The following LIMD1 variants were observed in gnomAD, a reference collection of about 807,000 sequenced individuals.
The protein encoded by LIMD1 is LIM domain containing 1.
LIMD1 carries 23 observed loss-of-function variants against 58.4 expected under a neutral mutation model. The ratio of observed to expected loss-of-function variants is 0.39; its 90% CI spans 0.28 to 0.56. The LOEUF (loss-of-function observed/expected upper bound fraction) is 0.56, where lower values mean the gene tolerates loss of function less well. LIMD1 is among the 20% of genes least tolerant of loss of function. The pLI is 0.57. For missense variants in LIMD1, 838 were observed against 855.5 expected (o/e 0.98, Z 0.25); for synonymous variants, 334 against 345.5 (o/e 0.97, Z 0.37).
rs553525164 is a variant in LIMD1, at chr3:45,636,419, A to G, written c.1510+168A>G. The stretch of plus-strand genomic sequence containing the variant: ...TACAGCAGGGTTTCTTACCACCAAC[A>G]GAAGCCCATCAGGGCACGGTGACTT... On this transcript the variant is annotated intron_variant, in intron 2 of 7. Coordinates refer to ENST00000273317, the MANE Select transcript of LIMD1 (RefSeq NM_014240.3). Among the ~76,000 whole-genome samples the G allele has an allele frequency of 8.1e-4, 123 of 152,358 alleles. 1 individual carries two copies. Among genetic ancestry groups the G allele is most frequent in the African/African-American group, 2.8e-3 (115 of 41,588 alleles).
chr3:45,605,731 C>T (rs2272776), intron 1 of LIMD1, among the ~76,000 whole-genome samples: 6,174 of 152,316 alleles, frequency 0.041, 158 homozygotes, highest in East Asian at 0.14. Flanking sequence ...CCTTTTGAGG[C>T]GCTCATTCCA....
Position 45,682,485 on chromosome 3 carries a change from G to A in LIMD1, c.*5426G>A, listed in dbSNP as rs1385797594. ...CAGCCTTGGGCATTGGGCCATGTGG[G>A]ACTGGGCAGTGGGGTATCTGGTCTG... On this transcript the variant is annotated 3_prime_UTR_variant, in exon 8 of 8. Coordinates refer to ENST00000273317, the MANE Select transcript of LIMD1 (RefSeq NM_014240.3). 1 of 152,462 alleles carries A rather than the reference G, an allele frequency of 6.6e-6. No individual in the cohort carries two copies. The highest frequency in any genetic ancestry group is 1.5e-5 in the Non-Finnish European group (1 of 68,114). 9.4% of individuals were successfully genotyped at this position (152,462 alleles called of 1,614,324 possible). A position where few individuals can be genotyped will look rare whatever the true frequency, so the allele number is the denominator to read the frequency against.
At chr3:45,620,681 A>G (rs1701620905) in intron 1 of LIMD1, among the ~76,000 whole-genome samples, 1 of 152,180 alleles carries the variant, frequency 6.6e-6, no homozygotes, top group African/African-American at 2.4e-5. Flanking sequence ...GTGAGCCAAG[A>G]TTGCACCATT....
At chr3:45,618,902 C>A (rs1346064136) in intron 1 of LIMD1, among the ~76,000 whole-genome samples, 1 of 152,144 alleles carries the variant, frequency 6.6e-6, no homozygotes, top group Non-Finnish European at 1.5e-5. Context: ...AGAGTGGACC[C>A]GAATTCTGGG....
Position 45,680,721 on chromosome 3 carries a change from G to A in LIMD1, c.*3662G>A, listed in dbSNP as rs1469757800. ...GAAAAGGCCAGGCACAGTGGCTCAT[G>A]CCTGTAATCCCAGGCGCCGTGGCTC... On this transcript the variant is annotated 3_prime_UTR_variant, in exon 8 of 8. Transcript: ENST00000273317. 6.6e-6 allele frequency: 1 copy of A among 151,976 alleles called. No homozygotes were observed. The highest frequency in any genetic ancestry group is 1.5e-5 in the Non-Finnish European group (1 of 68,070). The allele number at this position is 151,976 out of a possible 1,614,324, so 9.4% of individuals were successfully genotyped here.
chr3:45,672,941 A>G, intron 5 of LIMD1, 121 bp downstream of exon 5: 6 of 1,214,006 alleles, frequency 4.9e-6, no homozygotes, highest in Non-Finnish European at 7.1e-6. Context: ...AGTCCAGCAA[A>G]GGCTTAATGG....
At chr3:45,631,300 C>CAA (rs144073052) in intron 1 of LIMD1, among the ~76,000 whole-genome samples, 3 of 146,686 alleles carry the variant, frequency 2.0e-5, no homozygotes, top group Admixed American at 6.8e-5. Context: ...GAGACTCTCT[C>CAA]AAAAAAAAAA....
In LIMD1 at chr3:45,680,682, T is replaced by G. The variant is rs991856490; in HGVS notation, c.*3623T>G. On this transcript the variant is annotated 3_prime_UTR_variant, in exon 8 of 8. Transcript: ENST00000273317. ...TAATTTCTTTACTATGTGAAGTAAC[T>G]TTTAAAGGTAATAGAAAAGGCCAGG... The G allele has an allele frequency of 6.6e-6, 1 of 152,174 alleles. No homozygotes were observed. Among genetic ancestry groups the G allele is most frequent in the Non-Finnish European group, 1.5e-5 (1 of 68,036 alleles). The allele number at this position is 152,174 out of a possible 1,614,324, so 9.4% of individuals were successfully genotyped here. A position where few individuals can be genotyped will look rare whatever the true frequency, so the allele number is the denominator to read the frequency against.
chr3:45,662,669 A>C (rs1697458614), intron 2 of LIMD1, among the ~76,000 whole-genome samples: 1 of 152,070 alleles, frequency 6.6e-6, no homozygotes, highest in Admixed American at 6.6e-5. Context: ...CATATATACT[A>C]TTGTCAATAA....
In LIMD1 at chr3:45,595,928, C is replaced by G; in HGVS notation, c.1049C>G (p.Pro350Arg). ...GPKSYLSSSA[P>R]SSSPAGLDGS... ...AAATCTTACCTTTCCAGTTCTGCCC[C>G]GTCATCCTCGCCAGCTGGTCTGGAC... Residue 350 changes from proline to arginine, a missense_variant, in exon 1 of 8, where the codon CCG becomes CGG. By Grantham distance (103) the Pro-to-Arg change is moderately radical (BLOSUM62 -2). Coordinates refer to ENST00000273317, the MANE Select transcript of LIMD1 (RefSeq NM_014240.3). The G allele has an allele frequency of 6.2e-7, 1 of 1,614,212 alleles. No individual in the cohort carries two copies. Among genetic ancestry groups the G allele is most frequent in the South Asian group, 1.1e-5 (1 of 91,088 alleles).
intron 1 of LIMD1, among the ~76,000 whole-genome samples, chr3:45,617,602 C>T (rs535947401): frequency 6.6e-6 from 1 of 152,336 alleles, no homozygotes; most frequent in East Asian, 1.9e-4. Flanking sequence ...ATTTTCTCTC[C>T]TGTTTTGAAG....
At chr3:45,607,707 CAG>C (rs1312954595) in intron 1 of LIMD1, among the ~76,000 whole-genome samples, 2 of 152,144 alleles carry the variant, frequency 1.3e-5, no homozygotes, top group Non-Finnish European at 2.9e-5. Flanking sequence ...GGCTCCAAGT[CAG>C]GGGGTGAGCA....
intron 1 of LIMD1, among the ~76,000 whole-genome samples, chr3:45,614,559 C>T (rs780969162): frequency 6.6e-6 from 1 of 151,240 alleles, no homozygotes; most frequent in Non-Finnish European, 1.5e-5. Context: ...TTTGTCTCTA[C>T]GAAAAATAAA....
chr3:45,623,994 G>C (rs1041701518), intron 1 of LIMD1, among the ~76,000 whole-genome samples: 2 of 152,156 alleles, frequency 1.3e-5, no homozygotes, highest in Non-Finnish European at 2.9e-5. Context: ...AGAGTGGCTG[G>C]GGGAAGACTG....
chr3:45,681,272 G>C lies in LIMD1; in HGVS notation c.*4213G>C, dbSNP rs1285655695. Reference sequence around the variant, plus strand: ...GTGCTCCTTGAACATTATATTTCCTGGGTCTTTTCTGTGTGTGGAGTCAGC... The same window carrying C: ...GTGCTCCTTGAACATTATATTTCCTCGGTCTTTTCTGTGTGTGGAGTCAGC... On this transcript the variant is annotated 3_prime_UTR_variant, in exon 8 of 8. Coordinates refer to ENST00000273317, the MANE Select transcript of LIMD1 (RefSeq NM_014240.3). 21 of 152,134 alleles carry C rather than the reference G, an allele frequency of 1.4e-4. No homozygotes were observed. Among genetic ancestry groups the C allele is most frequent in the Admixed American group, 1.4e-3 (21 of 15,274 alleles). The allele number at this position is 152,134 out of a possible 1,614,324, so 9.4% of individuals were successfully genotyped here.
intron 7 of LIMD1, among the ~76,000 whole-genome samples, chr3:45,675,247 G>A (rs1378359979): frequency 6.6e-6 from 1 of 152,216 alleles, no homozygotes; most frequent in Non-Finnish European, 1.5e-5. Flanking sequence ...GAAATATAAG[G>A]GGCCGGGCGC....
At chr3:45,639,855 G>T (rs752928788) in intron 2 of LIMD1, among the ~76,000 whole-genome samples, 1 of 152,120 alleles carries the variant, frequency 6.6e-6, no homozygotes, top group African/African-American at 2.4e-5. Context: ...TAGAGACAGG[G>T]TTTCTTCATG....
intron 2 of LIMD1, among the ~76,000 whole-genome samples, chr3:45,637,981 G>A (rs979297142): frequency 2.0e-5 from 3 of 152,146 alleles, no homozygotes; most frequent in Admixed American, 1.3e-4. Flanking sequence ...GCCTTTCCTT[G>A]TCTTTGAGCT....
chr3:45,655,938 C>T (rs1702022970), intron 2 of LIMD1, among the ~76,000 whole-genome samples: 1 of 152,186 alleles, frequency 6.6e-6, no homozygotes, highest in African/African-American at 2.4e-5. Context: ...TTTATACCGC[C>T]CCCTCACAAA....
Sources: allele counts gnomAD v4.1 joint callset (sites outside exome capture counted in the v4.1 genomes callset), GRCh38; gene constraint gnomAD v4.1.1; transcripts MANE v1.5; gene names NCBI Gene and HGNC (gene_info 2026-07-23, HGNC 2026-07-21).